Variants in EPHA3 observed in about 807,000 individuals in gnomAD.
EPHA3 encodes the protein EPH receptor A3.
A neutral mutation model predicts 107.1 loss-of-function variants in EPHA3; 42 were observed. That is an observed-to-expected ratio of 0.39 (90% CI 0.31 to 0.51). The LOEUF is 0.51. EPHA3 is among the 20% of genes least tolerant of loss of function. The pLI, the probability that EPHA3 is intolerant of heterozygous loss-of-function variation, is 0.78. For synonymous variants in EPHA3, 461 were observed against 424.8 expected, an observed-to-expected ratio of 1.09 and a Z score of -1.05; for missense variants, 1,183 against 1,211.2, an observed-to-expected ratio of 0.98 and a Z score of 0.35.
chr3:89,202,650 T>G (rs1231026734), intron 2 of EPHA3, among the ~76,000 whole-genome samples: 1 of 151,502 alleles, frequency 6.6e-6, no homozygotes, highest in African/African-American at 2.4e-5. Flanking sequence ...CATGTAAAAT[T>G]GAATAAAACT....
intron 5 of EPHA3, among the ~76,000 whole-genome samples, chr3:89,349,541 G>A (rs1394750024): frequency 1.3e-5 from 2 of 149,282 alleles, no homozygotes; most frequent in South Asian, 2.1e-4. Flanking sequence ...CCTGAATACA[G>A]CACACTGATG....
intron 2 of EPHA3, among the ~76,000 whole-genome samples, chr3:89,187,988 G>A (rs1304640813): frequency 6.6e-6 from 1 of 152,004 alleles, no homozygotes; most frequent in African/African-American, 2.4e-5. Context: ...CTCCTAAACA[G>A]AAACAAGTAA....
intron 3 of EPHA3, among the ~76,000 whole-genome samples, chr3:89,316,016 C>T (rs538883059): frequency 6.6e-6 from 1 of 151,778 alleles, no homozygotes; most frequent in Non-Finnish European, 1.5e-5. Context: ...ACTTGAAATG[C>T]CTTTTTAAAT....
chr3:89,143,232 T>G (rs1198047432), intron 2 of EPHA3, among the ~76,000 whole-genome samples: 1 of 151,490 alleles, frequency 6.6e-6, no homozygotes, highest in Non-Finnish European at 1.5e-5. Context: ...GTGTTTCTTT[T>G]GGAATATACA....
chr3:89,467,866 G>A (rs1322144507), intron 15 of EPHA3, among the ~76,000 whole-genome samples: 1 of 152,210 alleles, frequency 6.6e-6, no homozygotes, highest in Non-Finnish European at 1.5e-5. Flanking sequence ...ATGAAAAGCT[G>A]TAAAAGATCA....
At chr3:89,244,175 G>T (rs1014625115) in intron 3 of EPHA3, among the ~76,000 whole-genome samples, 3 of 151,856 alleles carry the variant, frequency 2.0e-5, no homozygotes, top group African/African-American at 7.3e-5. Context: ...TATTATTGGG[G>T]GAAATTGGCT....
chr3:89,220,975 T>G (rs1039977371), intron 3 of EPHA3, among the ~76,000 whole-genome samples: 1 of 152,162 alleles, frequency 6.6e-6, no homozygotes, highest in African/African-American at 2.4e-5. Context: ...CCATTTTGCG[T>G]GATAGAAAAC....
At chr3:89,294,843 T>C (rs1706306718) in intron 3 of EPHA3, among the ~76,000 whole-genome samples, 1 of 152,188 alleles carries the variant, frequency 6.6e-6, no homozygotes, top group Non-Finnish European at 1.5e-5. Context: ...TTTCCTTGCA[T>C]GCCATGTAAT....
At chr3:89,345,940 G>T (rs374749854) in intron 5 of EPHA3, among the ~76,000 whole-genome samples, 2 of 147,262 alleles carry the variant, frequency 1.4e-5, no homozygotes, top group African/African-American at 5.0e-5. Context: ...TACAAAGGAC[G>T]TGAACTCATC....
In EPHA3 at chr3:89,227,060, T is replaced by A. The variant is rs116066039; in HGVS notation, c.814+16540T>A. The stretch of plus-strand genomic sequence containing the variant: ...AACATAGTCAAAAGAGAAAAACCAG[T>A]GAAGACTTGTTACTCAGGTGTCCAT... On this transcript the variant is annotated intron_variant, in intron 3 of 16. Transcript: ENST00000336596. Among the ~76,000 whole-genome samples, 1,300 of 152,130 alleles carry A rather than the reference T, an allele frequency of 8.5e-3. 16 individuals are homozygous for A. The highest frequency in any genetic ancestry group is 0.03 in the African/African-American group (1,238 of 41,536).
intron 3 of EPHA3, among the ~76,000 whole-genome samples, chr3:89,247,437 TA>T (rs151137939): frequency 0.034 from 5,142 of 152,218 alleles, 294 homozygotes; most frequent in African/African-American, 0.12. Flanking sequence ...TGCTGAAACA[TA>T]AATTGTGAGG....
intron 3 of EPHA3, among the ~76,000 whole-genome samples, chr3:89,234,086 A>G (rs1704696999): frequency 6.6e-6 from 1 of 152,242 alleles, no homozygotes; most frequent in Admixed American, 6.5e-5. Context: ...CAAAAGGCAA[A>G]TAACATAGAG....
At position 89,449,367 on chromosome 3, in the gene EPHA3, A is replaced by G; in HGVS notation, c.2489A>G (p.Asn830Ser). The G allele has an allele frequency of 6.3e-7, 1 of 1,589,214 alleles. No homozygotes were observed. Among genetic ancestry groups the G allele is most frequent in the Non-Finnish European group, 8.6e-7 (1 of 1,163,424 alleles). Residue 830 changes from asparagine (N) to serine (S), a missense_variant, in exon 14 of 17, where the codon AAT becomes AGT. By Grantham distance (46) the Asn-to-Ser change is conservative. Coordinates refer to ENST00000336596, the MANE Select transcript of EPHA3 (RefSeq NM_005233.6). ...YGERPYWEMS[N>S]QDVIKAVDEG... ...GAGAGACCATACTGGGAGATGTCCA[A>G]TCAGGATGTAAGTATTTGTGGTCTA... is the stretch of plus-strand genomic sequence containing the variant.
At chr3:89,159,040 G>A (rs1704865288) in intron 2 of EPHA3, among the ~76,000 whole-genome samples, 1 of 152,014 alleles carries the variant, frequency 6.6e-6, no homozygotes, top group African/African-American at 2.4e-5. Flanking sequence ...TTAAGCATAT[G>A]TGCATTATTT....
Position 89,417,927 on chromosome 3 carries a change from C to A in EPHA3, c.1889-1278C>A, listed in dbSNP as rs1012126994. Among the ~76,000 whole-genome samples the A allele has an allele frequency of 1.1e-3, 162 of 151,448 alleles. 1 individual carries two copies. Among genetic ancestry groups the A allele is most frequent in the African/African-American group, 3.7e-3 (154 of 41,450 alleles). On this transcript the variant is annotated intron_variant, in intron 10 of 16. Coordinates refer to ENST00000336596, the MANE Select transcript of EPHA3 (RefSeq NM_005233.6). ...TTGAAAACAGGGCAAGAGTGGATTT[C>A]TGGGGATGAGTCAAGCCTGGGGAAG... is the stretch of plus-strand genomic sequence containing the variant.
intron 3 of EPHA3, among the ~76,000 whole-genome samples, chr3:89,312,766 T>C (rs1706793755): frequency 6.6e-6 from 1 of 151,910 alleles, no homozygotes; most frequent in South Asian, 2.1e-4. Context: ...CCCCAGTGTG[T>C]GTGGTTCCTC....
chr3:89,345,830 T>C (rs1349657503), intron 5 of EPHA3, among the ~76,000 whole-genome samples: 1 of 127,050 alleles, frequency 7.9e-6, no homozygotes, highest in Non-Finnish European at 1.6e-5. Flanking sequence ...TGTGATCTCA[T>C]TGTTCAATTC....
intron 5 of EPHA3, among the ~76,000 whole-genome samples, chr3:89,364,592 G>T (rs1708154012): frequency 6.6e-6 from 1 of 151,242 alleles, no homozygotes; most frequent in African/African-American, 2.4e-5. Context: ...AGAAAGAGAA[G>T]TTGGATAAAC....
At chr3:89,123,305 G>T (rs1707431724) in intron 1 of EPHA3, among the ~76,000 whole-genome samples, 1 of 152,122 alleles carries the variant, frequency 6.6e-6, no homozygotes, top group Non-Finnish European at 1.5e-5. Flanking sequence ...TGCCATGCCA[G>T]CTAATTTTTG....
Sources: gnomAD v4.1 joint callset for allele counts (sites outside exome capture counted in the v4.1 genomes callset) on GRCh38, gnomAD v4.1.1 for gene constraint, MANE v1.5 for transcripts, NCBI Gene and HGNC (gene_info 2026-07-23, HGNC 2026-07-21) for gene names.